The following MALRD1 variants were observed in gnomAD, a reference collection of about 807,000 sequenced individuals.
MALRD1 encodes MAM and LDL receptor class A domain containing 1.
MALRD1 carries 247 observed loss-of-function variants against 242.1 expected under a neutral mutation model. That is an observed-to-expected ratio of 1.02 (90% CI 0.92 to 1.13). MALRD1 has a LOEUF of 1.13. Ranked by LOEUF, MALRD1 falls within the 50% of genes most tolerant of loss-of-function variation. MALRD1 has a pLI of 0.00. For missense variants in MALRD1, 2,989 were observed against 2,533.1 expected (o/e 1.18, Z -3.86); for synonymous variants, 995 against 866.6 (o/e 1.15, Z -2.60).
chr10:19,676,395 T>G (rs1842141077), intron 36 of MALRD1, among the ~76,000 whole-genome samples: 1 of 152,154 alleles, frequency 6.6e-6, no homozygotes, highest in Admixed American at 6.5e-5. Flanking sequence ...TAGGCGAAAT[T>G]GATGGGACAG....
At chr10:19,081,511 G>A (rs1835490421) in intron 2 of MALRD1, among the ~76,000 whole-genome samples, 1 of 151,982 alleles carries the variant, frequency 6.6e-6, no homozygotes, top group Non-Finnish European at 1.5e-5. Context: ...AACTAGTGCT[G>A]GAACAGAAAA....
chr10:19,088,627 G>A (rs1588526019), intron 4 of MALRD1, among the ~76,000 whole-genome samples: 1 of 98,688 alleles, frequency 1.0e-5, no homozygotes, highest in Non-Finnish European at 1.9e-5. Flanking sequence ...GGGTACATGT[G>A]CACATTGTGC....
At chr10:19,403,346 T>C (rs532893215) in intron 28 of MALRD1, among the ~76,000 whole-genome samples, 2 of 152,244 alleles carry the variant, frequency 1.3e-5, no homozygotes, top group East Asian at 1.9e-4. Context: ...TGTATTAGGG[T>C]TTTGCCATTA....
chr10:19,145,621 T>C (rs1564421574), intron 10 of MALRD1, among the ~76,000 whole-genome samples: 1 of 145,682 alleles, frequency 6.9e-6, no homozygotes, highest in East Asian at 2.0e-4. Context: ...GCCACTGCAC[T>C]CCAGCCTGGG....
intron 21 of MALRD1, among the ~76,000 whole-genome samples, chr10:19,314,325 T>C (rs536766011): frequency 2.0e-4 from 30 of 151,578 alleles, no homozygotes; most frequent in Non-Finnish European, 4.1e-4. Flanking sequence ...AACTTGAGTC[T>C]AGGAATCTAA....
intron 28 of MALRD1, among the ~76,000 whole-genome samples, chr10:19,444,192 C>A (rs954180755): frequency 1.3e-5 from 2 of 152,056 alleles, no homozygotes; most frequent in African/African-American, 4.8e-5. Context: ...TATTTTGAGC[C>A]TATGTGTGTC....
chr10:19,371,460 G>A (rs907403452), intron 26 of MALRD1, among the ~76,000 whole-genome samples: 1 of 145,232 alleles, frequency 6.9e-6, no homozygotes, highest in Admixed American at 7.0e-5. Context: ...AATCTATACA[G>A]AAAATTATGT....
intron 24 of MALRD1, among the ~76,000 whole-genome samples, chr10:19,338,129 A>G (rs1371384005): frequency 6.6e-6 from 1 of 151,994 alleles, no homozygotes; most frequent in African/African-American, 2.4e-5. Flanking sequence ...TTCCCCATAC[A>G]AGAGTGGTAC....
intron 21 of MALRD1, among the ~76,000 whole-genome samples, chr10:19,286,465 G>T (rs1464420573): frequency 6.6e-6 from 1 of 152,102 alleles, no homozygotes. Flanking sequence ...TAGCATGAAG[G>T]TTGTTGAATT....
At chr10:19,457,590 C>G (rs1025032308) in intron 29 of MALRD1, among the ~76,000 whole-genome samples, 3 of 151,814 alleles carry the variant, frequency 2.0e-5, no homozygotes, top group African/African-American at 7.3e-5. Context: ...GAAATTTGAA[C>G]TAAGACCGGG....
At position 19,161,538 on chromosome 10, in the gene MALRD1, AG is replaced by A. The variant is rs1834406327; in HGVS notation, c.1657-4098del. 7.0e-5 allele frequency among the ~76,000 whole-genome samples: 5 copies of A among 70,946 alleles called. No individual in the cohort carries two copies. In the South Asian group the frequency reaches 1.8e-3, roughly 26 times the overall value. The allele number at this position is 70,946 out of a possible 152,430, so 46.5% of individuals were successfully genotyped here. ...AAATAAATAAATATAATAAAAATAA[AG>A]AAAAAAAAAGCAAAAAAAAAAAAAA... On this transcript the variant is annotated intron_variant, in intron 12 of 39. Transcript: ENST00000454679.
intron 32 of MALRD1, among the ~76,000 whole-genome samples, chr10:19,558,732 T>C (rs1197064550): frequency 6.6e-6 from 1 of 152,148 alleles, no homozygotes; most frequent in Non-Finnish European, 1.5e-5. Flanking sequence ...TGTATTATGG[T>C]TTTGTTTTGA....
rs1173453764 is a variant in MALRD1, at chr10:19,124,935, C to CTTTTTTTTT, written c.943+285_943+293dup. Reference sequence around the variant, plus strand: ...CGTGTGAACAAAAAGTATTAAAAGGCTTTTTTTTTTTTTTTTTTTTTTTTT... The same window carrying CTTTTTTTTT: ...CGTGTGAACAAAAAGTATTAAAAGGCTTTTTTTTTTTTTTTTTTTTTTTTTTTTTTTTTT... On this transcript the variant is annotated intron_variant, in intron 7 of 39. Coordinates refer to ENST00000454679, the MANE Select transcript of MALRD1 (RefSeq NM_001142308.3). Among the ~76,000 whole-genome samples, 4 of 52,590 alleles carry CTTTTTTTTT rather than the reference C, an allele frequency of 7.6e-5. 2 individuals are homozygous for CTTTTTTTTT. Among genetic ancestry groups the CTTTTTTTTT allele is most frequent in the East Asian group, 1.4e-3 (2 of 1,434 alleles). The allele number at this position is 52,590 out of a possible 152,430, so 34.5% of individuals were successfully genotyped here.
In MALRD1 at chr10:19,267,909, T is replaced by C. The variant is rs573513195; in HGVS notation, c.3079+10138T>C. 5.9e-5 allele frequency among the ~76,000 whole-genome samples: 9 copies of C among 152,222 alleles called. No individual in the cohort carries two copies. In the East Asian group the frequency reaches 1.2e-3, roughly 20 times the overall value. On this transcript the variant is annotated intron_variant, in intron 19 of 39. Coordinates refer to ENST00000454679, the MANE Select transcript of MALRD1 (RefSeq NM_001142308.3). Reference sequence around the variant, plus strand: ...AGTCTGTAAATTGATTTAGCATATATATAGGGAAGAAAAATTTGACCAAAG... The same window carrying C: ...AGTCTGTAAATTGATTTAGCATATACATAGGGAAGAAAAATTTGACCAAAG...
intron 1 of MALRD1, among the ~76,000 whole-genome samples, chr10:19,061,376 T>C (rs942416435): frequency 7.2e-5 from 11 of 152,184 alleles, no homozygotes; most frequent in Admixed American, 3.3e-4. Context: ...ACAGATTCAG[T>C]GCAATCTCAG....
intron 18 of MALRD1, among the ~76,000 whole-genome samples, chr10:19,232,320 C>T (rs1327485481): frequency 2.7e-5 from 4 of 150,528 alleles, no homozygotes; most frequent in Non-Finnish European, 4.4e-5. Context: ...GTGCCCGCCA[C>T]GACACCCAGC....
At chr10:19,261,263 G>C (rs28733910) in intron 19 of MALRD1, among the ~76,000 whole-genome samples, 1 of 151,842 alleles carries the variant, frequency 6.6e-6, no homozygotes, top group Admixed American at 6.6e-5. Flanking sequence ...TTTCTGTTTC[G>C]AGTTTTGGAA....
intron 33 of MALRD1, among the ~76,000 whole-genome samples, chr10:19,580,243 C>T (rs920666815): frequency 1.3e-5 from 2 of 152,104 alleles, no homozygotes; most frequent in Non-Finnish European, 2.9e-5. Context: ...GCAATTTCAG[C>T]CATTTGCAGT....
In MALRD1 at chr10:19,270,334, T is replaced by TCACACA. The variant is rs1295856463; in HGVS notation, c.3080-9712_3080-9711insACACAC. On this transcript the variant is annotated intron_variant, in intron 19 of 39. Transcript: ENST00000454679. ...TCTCTCTCTTCTCTCTCTCTCTCTCTCTCACACACACACACACACACACAC... is the reference window on the plus strand; with the variant it reads ...TCTCTCTCTTCTCTCTCTCTCTCTCTCACACACTCACACACACACACACACACACAC... 9.8e-3 allele frequency among the ~76,000 whole-genome samples: 740 copies of TCACACA among 75,672 alleles called. 6 individuals carry two copies. Among genetic ancestry groups the TCACACA allele is most frequent in the African/African-American group, 0.029 (710 of 24,146 alleles). The allele number at this position is 75,672 out of a possible 152,430, so 49.6% of individuals were successfully genotyped here. A position where few individuals can be genotyped will look rare whatever the true frequency, so the allele number is the denominator to read the frequency against.
Sources: gnomAD v4.1 joint callset for allele counts (sites outside exome capture counted in the v4.1 genomes callset) on GRCh38, gnomAD v4.1.1 for gene constraint, MANE v1.5 for transcripts, NCBI Gene and HGNC (gene_info 2026-07-23, HGNC 2026-07-21) for gene names.